Variants in HNRNPC observed in about 807,000 individuals in gnomAD.
HNRNPC encodes the protein heterogeneous nuclear ribonucleoprotein C, also known as heterogeneous nuclear ribonucleoproteins C1/C2.
In HNRNPC, 3 loss-of-function variants were observed where a neutral mutation model predicts 33.2. That is an observed-to-expected ratio of 0.09 (90% CI 0.04 to 0.23). The LOEUF is 0.23. Ranked by LOEUF, HNRNPC falls within the 10% of genes least tolerant of loss-of-function variation. The pLI, the probability that HNRNPC is intolerant of heterozygous loss-of-function variation, is 1.00. For synonymous variants in HNRNPC, 121 were observed against 126.7 expected, an observed-to-expected ratio of 0.96 and a Z score of 0.30; for missense variants, 143 against 366.7, an observed-to-expected ratio of 0.39 and a Z score of 4.98.
intron 2 of HNRNPC, among the ~76,000 whole-genome samples, chr14:21,237,290 T>C (rs1036380060): frequency 8.5e-5 from 13 of 152,236 alleles, no homozygotes; most frequent in South Asian, 2.1e-4. Context: ...TGTATAACTA[T>C]AGACATTCTA....
At chr14:21,247,656 A>G (rs1409176717) in intron 2 of HNRNPC, among the ~76,000 whole-genome samples, 1 of 152,084 alleles carries the variant, frequency 6.6e-6, no homozygotes, top group East Asian at 1.9e-4. Context: ...GGATACAAAA[A>G]TACCTATCCT....
chr14:21,239,458 G>A (rs1164929249), intron 2 of HNRNPC, among the ~76,000 whole-genome samples: 1 of 151,420 alleles, frequency 6.6e-6, no homozygotes, highest in Non-Finnish European at 1.5e-5. Flanking sequence ...CAGTCTGGGT[G>A]ACAGAGTGAG....
chr14:21,232,678 TCTTAAA>T (rs1337363625), intron 3 of HNRNPC, among the ~76,000 whole-genome samples: 3 of 152,164 alleles, frequency 2.0e-5, no homozygotes, highest in Admixed American at 1.3e-4. Flanking sequence ...AATGTGGATA[TCTTAAA>T]CTTAATCTTA....
At chr14:21,218,230 C>T (rs1168239515) in intron 5 of HNRNPC, among the ~76,000 whole-genome samples, 1 of 152,146 alleles carries the variant, frequency 6.6e-6, no homozygotes, top group Non-Finnish European at 1.5e-5. Flanking sequence ...TCCCAAAGTG[C>T]TGCAATTACA....
At chr14:21,253,741 ATTAGCTTCTGGAGAACAAAC>A (rs1896915629) in intron 2 of HNRNPC, among the ~76,000 whole-genome samples, 1 of 152,232 alleles carries the variant, frequency 6.6e-6, no homozygotes, top group Admixed American at 6.5e-5. Flanking sequence ...TGCTAAACTT[ATTAGCTTCTGGAGAACAAAC>A]TTAAGAACTT....
intron 5 of HNRNPC, among the ~76,000 whole-genome samples, chr14:21,226,111 A>G (rs1893392120): frequency 6.6e-6 from 1 of 152,006 alleles, no homozygotes; most frequent in African/African-American, 2.4e-5. Flanking sequence ...AAGTCAGGTG[A>G]GGAGTTTGAG....
At chr14:21,232,965 A>C (rs1299037406) in intron 3 of HNRNPC, among the ~76,000 whole-genome samples, 1 of 151,988 alleles carries the variant, frequency 6.6e-6, no homozygotes, top group Admixed American at 6.6e-5. Context: ...TGAACCCGGG[A>C]GGCTGAGGTT....
At position 21,216,120 on chromosome 14, in the gene HNRNPC, CAAAAA is replaced by C. The variant is rs370660995; in HGVS notation, c.366-3008_366-3004del. Among the ~76,000 whole-genome samples, 60 of 87,842 alleles carry C rather than the reference CAAAAA, an allele frequency of 6.8e-4. 1 individual carries two copies. The South Asian group carries it at 7.8e-3, about 11-fold the overall frequency. 57.6% of individuals were successfully genotyped at this position (87,842 alleles called of 152,430 possible). On this transcript the variant is annotated intron_variant, in intron 5 of 8. Transcript: ENST00000553300. ...TAAAAACTTTTGTCTCCTCCACCACCAAAAAAAAAAAAAAAAAAAAAGACAAAGAA... is the reference window on the plus strand; with the variant it reads ...TAAAAACTTTTGTCTCCTCCACCACCAAAAAAAAAAAAAAAAGACAAAGAA...
intron 5 of HNRNPC, among the ~76,000 whole-genome samples, chr14:21,221,570 G>C (rs372976258): frequency 3.3e-5 from 5 of 152,226 alleles, no homozygotes; most frequent in African/African-American, 1.2e-4. Flanking sequence ...AGCACAAATG[G>C]ATAGTTACAT....
At chr14:21,229,768 G>A (rs1416417365) in intron 5 of HNRNPC, among the ~76,000 whole-genome samples, 1 of 152,090 alleles carries the variant, frequency 6.6e-6, no homozygotes, top group East Asian at 1.9e-4. Context: ...ACTAATGACT[G>A]GAATACTGGC....
intron 2 of HNRNPC, among the ~76,000 whole-genome samples, chr14:21,235,634 C>A (rs1252691181): frequency 6.6e-6 from 1 of 152,130 alleles, no homozygotes; most frequent in Non-Finnish European, 1.5e-5. Context: ...CCACTGAAAT[C>A]CACCAACAGC....
At chr14:21,267,682 C>T (rs1879244695) in intron 1 of HNRNPC, among the ~76,000 whole-genome samples, 1 of 152,142 alleles carries the variant, frequency 6.6e-6, no homozygotes, top group African/African-American at 2.4e-5. Context: ...CCGTGGCAAA[C>T]AGTTTCGGAT....
intron 5 of HNRNPC, among the ~76,000 whole-genome samples, chr14:21,221,884 A>G (rs1442931081): frequency 6.6e-6 from 1 of 151,630 alleles, no homozygotes; most frequent in African/African-American, 2.4e-5. Context: ...CGTCTCTACT[A>G]AAAAATACAA....
rs545848431 is a variant in HNRNPC at position 21,256,103 on chromosome 14, G to A, written c.-37+7208C>T. ...CCCTGTAAATCACAGAAAAATTTTT[G>A]ACTTCAATGCTGAAAAAGGCAGCCA... On this transcript the variant is annotated intron_variant, in intron 2 of 8. Transcript: ENST00000553300. 5.9e-5 allele frequency among the ~76,000 whole-genome samples: 9 copies of A among 152,272 alleles called. No homozygotes were observed. The East Asian group carries it at 1.7e-3, about 29-fold the overall frequency.
intron 2 of HNRNPC, among the ~76,000 whole-genome samples, chr14:21,235,472 A>G (rs1470020978): frequency 1.3e-5 from 2 of 152,214 alleles, no homozygotes; most frequent in Non-Finnish European, 2.9e-5. Flanking sequence ...GTCATTTAAC[A>G]GGCAGTACTG....
chr14:21,224,431 CTG>C (rs943879125), intron 5 of HNRNPC, among the ~76,000 whole-genome samples: 10 of 152,172 alleles, frequency 6.6e-5, no homozygotes, highest in African/African-American at 2.2e-4. Context: ...AGCACAAACT[CTG>C]TGAAACCCCC....
intron 1 of HNRNPC, chr14:21,264,264 G>C (rs1878629059): frequency 1.3e-5 from 2 of 152,258 alleles, no homozygotes; most frequent in South Asian, 2.1e-4. Flanking sequence ...GACTGAAGGT[G>C]AATGGCCTAC....
Position 21,210,896 on chromosome 14 carries a change from G to A in HNRNPC, c.*327C>T, listed in dbSNP as rs547446756. 9.1e-6 allele frequency: 3 copies of A among 329,742 alleles called. No homozygotes were observed. In the South Asian group the frequency reaches 1.4e-4, roughly 15 times the overall value. The allele number at this position is 329,742 out of a possible 1,614,324, so 20.4% of individuals were successfully genotyped here. A position where few individuals can be genotyped will look rare whatever the true frequency, so the allele number is the denominator to read the frequency against. On this transcript the variant is annotated 3_prime_UTR_variant, in exon 9 of 9. Coordinates refer to ENST00000553300, the MANE Select transcript of HNRNPC (RefSeq NM_004500.4). ...AACTTATGTATGAATGAAAAGAACT[G>A]TACTCCCTGCATAACAAGAGATTAT...
At chr14:21,237,796 G>C (rs1488662640) in intron 2 of HNRNPC, among the ~76,000 whole-genome samples, 1 of 151,500 alleles carries the variant, frequency 6.6e-6, no homozygotes, top group African/African-American at 2.4e-5. Flanking sequence ...TTTTTGAGTT[G>C]GAGTTTCACT....
Sources: allele counts gnomAD v4.1 joint callset (sites outside exome capture counted in the v4.1 genomes callset), GRCh38; gene constraint gnomAD v4.1.1; transcripts MANE v1.5; gene names NCBI Gene and HGNC (gene_info 2026-07-23, HGNC 2026-07-21).